BCAS1: variants seen among roughly 807,000 people sequenced by gnomAD.
BCAS1 encodes brain enriched myelin associated protein 1.
Under a neutral mutation model 65.4 loss-of-function variants are expected in BCAS1, and 46 were observed. That is an observed-to-expected ratio of 0.70 (90% CI 0.55 to 0.90). The LOEUF (loss-of-function observed/expected upper bound fraction) is 0.90, where lower values mean the gene tolerates loss of function less well. Ranked by LOEUF, BCAS1 falls within the 40% of genes least tolerant of loss-of-function variation. The pLI, the probability that BCAS1 is intolerant of heterozygous loss-of-function variation, is 0.00. For synonymous variants in BCAS1, 298 were observed against 293.5 expected, an observed-to-expected ratio of 1.02 and a Z score of -0.16; for missense variants, 793 against 771.2, an observed-to-expected ratio of 1.03 and a Z score of -0.33.
In BCAS1 at chr20:54,058,710, G is replaced by T. The variant is rs1203133485; in HGVS notation, c.9C>A (p.Asn3Lys). 6.2e-7 allele frequency: 1 copy of T among 1,604,516 alleles called. No individual in the cohort carries two copies. Among genetic ancestry groups the T allele is most frequent in the Admixed American group, 1.7e-5 (1 of 59,226 alleles). Residue 3 changes from asparagine to lysine, a missense_variant, in exon 2 of 13, where the codon AAC (asparagine) becomes AAA (lysine). Coordinates refer to ENST00000688948, the MANE Select transcript of BCAS1 (RefSeq NM_001366298.2). MG[N>K]QMSVPQRVED... ...CAACTCTTTGGGGAACACTCATTTGGTTACCCATTGCTCCTATAATGGAGA... is the reference window on the plus strand; with the variant it reads ...CAACTCTTTGGGGAACACTCATTTGTTTACCCATTGCTCCTATAATGGAGA...
chr20:54,010,925 A>T (rs1221276378), intron 4 of BCAS1, among the ~76,000 whole-genome samples: 2 of 152,188 alleles, frequency 1.3e-5, no homozygotes, highest in Admixed American at 6.5e-5. Flanking sequence ...GAAAAGACCC[A>T]CACAAGTATG....
intron 3 of BCAS1, among the ~76,000 whole-genome samples, chr20:54,040,116 C>T (rs1263646118): frequency 1.3e-5 from 2 of 151,330 alleles, no homozygotes; most frequent in Non-Finnish European, 3.0e-5. Context: ...TTTCCATTTC[C>T]ACTATAGTGG....
In BCAS1 at chr20:54,066,195, C is replaced by T. The variant is rs191083515; in HGVS notation, c.-6+4238G>A. ...TCACACCATTCTCCTGCCTCAGTCT[C>T]CCGAGTAGCTGGGACTACAGGCGCC... On this transcript the variant is annotated intron_variant, in intron 1 of 12. Transcript: ENST00000688948. 3.6e-3 allele frequency among the ~76,000 whole-genome samples: 548 copies of T among 152,192 alleles called. 2 individuals carry two copies. The highest frequency in any genetic ancestry group is 0.013 in the African/African-American group (521 of 41,520).
chr20:54,067,092 AGGC>A (rs1198941877), intron 1 of BCAS1, among the ~76,000 whole-genome samples: 1 of 152,132 alleles, frequency 6.6e-6, no homozygotes, highest in African/African-American at 2.4e-5. Flanking sequence ...AGTGAGGATT[AGGC>A]CGGGCGCTGT....
intron 7 of BCAS1, among the ~76,000 whole-genome samples, chr20:53,988,530 A>G (rs2090673141): frequency 6.6e-6 from 1 of 152,262 alleles, no homozygotes; most frequent in Admixed American, 6.5e-5. Context: ...TTGATGAATC[A>G]TAGTTTTACA....
At position 53,972,514 on chromosome 20, in the gene BCAS1, C is replaced by T. The variant is rs190667278; in HGVS notation, c.1317+2875G>A. 3.4e-4 allele frequency among the ~76,000 whole-genome samples: 52 copies of T among 152,332 alleles called. 1 individual carries two copies. The East Asian group carries it at 8.5e-3, about 25-fold the overall frequency. On this transcript the variant is annotated intron_variant, in intron 9 of 12. Transcript: ENST00000688948. ...TGTTGAAACTACTCAACTCTGTTGC[C>T]TAGCAACAAAGCAGCCATAGATGAT...
intron 3 of BCAS1, among the ~76,000 whole-genome samples, chr20:54,051,726 T>TTTGTTG (rs11470040): frequency 0.051 from 7,654 of 149,202 alleles, 327 homozygotes; most frequent in East Asian, 0.23. Flanking sequence ...TTTTTTTTTG[T>TTTGTTG]TTGTTGTTGT....
chr20:54,057,958 G>A (rs201912084), intron 3 of BCAS1, 127 bp downstream of exon 3: 5 of 728,868 alleles, frequency 6.9e-6, no homozygotes, highest in South Asian at 1.7e-5. Context: ...AGGAACAAAC[G>A]CAAGTATTTT....
chr20:53,982,413 A>T (rs370855514), intron 8 of BCAS1, among the ~76,000 whole-genome samples: 1 of 152,236 alleles, frequency 6.6e-6, no homozygotes, highest in East Asian at 1.9e-4. Context: ...TTTTATAATA[A>T]TAACTACTCT....
chr20:54,053,069 G>A lies in BCAS1; in HGVS notation c.142+5016C>T, dbSNP rs1187166948. On this transcript the variant is annotated intron_variant, in intron 3 of 12. Transcript: ENST00000688948. ...TCTCACCCAAAGTTTGCAAGCAAAT[G>A]TGTTTGTCTTAGTGGCATTGCAGGT... is the stretch of plus-strand genomic sequence containing the variant. 2.6e-5 allele frequency among the ~76,000 whole-genome samples: 4 copies of A among 152,198 alleles called. No individual in the cohort carries two copies. In the East Asian group the frequency reaches 7.7e-4, roughly 29 times the overall value.
chr20:54,064,319 T>C lies in BCAS1; in HGVS notation c.-5-5596A>G, dbSNP rs574743106. ...CTGGGGTGAGTGAGTGAGTGTCTCC[T>C]GGGGTCAGAACTCTCCTGGCTGCTG... On this transcript the variant is annotated intron_variant, in intron 1 of 12. Transcript: ENST00000688948. Among the ~76,000 whole-genome samples, 17 of 152,292 alleles carry C rather than the reference T, an allele frequency of 1.1e-4. No individual in the cohort carries two copies. The South Asian group carries it at 3.5e-3, about 32-fold the overall frequency.
At chr20:54,046,251 C>T (rs533604406) in intron 3 of BCAS1, among the ~76,000 whole-genome samples, 16 of 152,252 alleles carry the variant, frequency 1.1e-4, no homozygotes, top group Admixed American at 3.3e-4. Context: ...AATTCAGGGC[C>T]GGGTGCGGTG....
rs112853261 is a variant in BCAS1, at chr20:54,013,995, C to T, written c.723+14397G>A. 6.6e-3 allele frequency among the ~76,000 whole-genome samples: 1,007 copies of T among 152,170 alleles called. 15 individuals carry two copies. The highest frequency in any genetic ancestry group is 0.027 in the Middle Eastern group (8 of 294). On this transcript the variant is annotated intron_variant, in intron 4 of 12. Transcript: ENST00000688948. ...TGTTTTGAACAGAGTGAATATGTTACGTATTAAAATTAAGACTAAAGCAAA... is the reference window on the plus strand; with the variant it reads ...TGTTTTGAACAGAGTGAATATGTTATGTATTAAAATTAAGACTAAAGCAAA...
intron 4 of BCAS1, among the ~76,000 whole-genome samples, chr20:54,008,164 A>C (rs1482163661): frequency 3.9e-5 from 6 of 152,240 alleles, no homozygotes; most frequent in African/African-American, 1.4e-4. Flanking sequence ...CCCATGCCAG[A>C]GAAAGCCAAG....
chr20:53,997,066 A>G (rs1260192665), intron 4 of BCAS1, among the ~76,000 whole-genome samples: 1 of 152,196 alleles, frequency 6.6e-6, no homozygotes, highest in African/African-American at 2.4e-5. Flanking sequence ...GATTGTCCCT[A>G]AACATTCATC....
intron 4 of BCAS1, among the ~76,000 whole-genome samples, chr20:53,996,583 C>T (rs1045608783): frequency 3.3e-5 from 5 of 151,592 alleles, no homozygotes; most frequent in African/African-American, 1.2e-4. Context: ...AACTGATTTT[C>T]TCCCCGACCT....
intron 8 of BCAS1, among the ~76,000 whole-genome samples, chr20:53,982,836 T>C: frequency 1.3e-5 from 2 of 152,306 alleles, no homozygotes; most frequent in East Asian, 3.9e-4. Context: ...ACAAACTATA[T>C]AGCACAAAAC....
chr20:53,985,388 C>A lies in BCAS1; in HGVS notation c.1174G>T (p.Gly392Trp). 6.2e-7 allele frequency: 1 copy of A among 1,613,998 alleles called. No individual in the cohort carries two copies. Among genetic ancestry groups the A allele is most frequent in the Non-Finnish European group, 8.5e-7 (1 of 1,179,944 alleles). ...GGGGTTGTCACGGACTGTGTGTGCC[C>A]CGATGGGTTGCATCCTTTGGAATTC... ...GKNSKGCNPS[G>W]HTQSVTTPEP... The change falls in exon 8 of 13, where the codon GGG (glycine) becomes TGG (tryptophan). Residue 392 changes from glycine (G) to tryptophan (W), a missense_variant. By Grantham distance (184) the Gly-to-Trp change is radical. Transcript: ENST00000688948.
At chr20:54,030,487 T>C (rs1002135205) in intron 3 of BCAS1, among the ~76,000 whole-genome samples, 10 of 152,240 alleles carry the variant, frequency 6.6e-5, no homozygotes, top group Non-Finnish European at 1.5e-4. Flanking sequence ...TTGCTCTATC[T>C]GTAGTCAGAC....
Sources: gnomAD v4.1 joint callset for allele counts (sites outside exome capture counted in the v4.1 genomes callset) on GRCh38, gnomAD v4.1.1 for gene constraint, MANE v1.5 for transcripts, NCBI Gene and HGNC (gene_info 2026-07-23, HGNC 2026-07-21) for gene names.